The following CELSR2 variants were observed in gnomAD, a reference collection of about 807,000 sequenced individuals.
The protein encoded by CELSR2 is EGF-like protein 2.
A neutral mutation model predicts 251.6 loss-of-function variants in CELSR2; 81 were observed. That is an observed-to-expected ratio of 0.32 (90% CI 0.27 to 0.39). CELSR2 has a LOEUF of 0.39. CELSR2 is among the 10% of genes least tolerant of loss of function. The probability of loss-of-function intolerance (pLI) is 1.00; values close to 1 mark genes in which losing one functional copy is unlikely to be tolerated. For synonymous variants in CELSR2, 1,721 were observed against 1,670.5 expected, an observed-to-expected ratio of 1.03 and a Z score of -0.74; for missense variants, 3,365 against 3,947.7, an observed-to-expected ratio of 0.85 and a Z score of 3.96.
In CELSR2 at chr1:109,273,190, C is replaced by A. The variant is rs781001761; in HGVS notation, c.8363C>A (p.Ala2788Asp). ...PKDGGPGPGK[A>D]PWPGDFGTTA... is the part of the protein sequence containing the mutation. ...GATGGGGGCCCAGGGCCTGGCAAGG[C>A]CCCCTGGCCAGGAGACTTTGGGACC... The change falls in exon 32 of 34, where the codon GCC becomes GAC. Residue 2788 changes from alanine to aspartate, a missense_variant. Transcript: ENST00000271332. 23 of 1,613,154 alleles carry A rather than the reference C, an allele frequency of 1.4e-5. No homozygotes were observed. Among genetic ancestry groups the A allele is most frequent in the Non-Finnish European group, 1.8e-5 (21 of 1,179,664 alleles).
chr1:109,251,762 G>C lies in CELSR2; in HGVS notation c.1683G>C (p.Trp561Cys). ...TCACCATCAACAATGGCACAGGCTG[G>C]ATCTCTGTGGCTGCTGAACTGGACC... ...FPFTINNGTG[W>C]ISVAAELDRE... The change falls in exon 1 of 34, where the codon TGG becomes TGC. Residue 561 changes from tryptophan (W) to cysteine (C), a missense_variant. This residue lies in a region of CELSR2 where 704 missense variants were observed against 784.1 expected (regional missense o/e 0.90). Coordinates refer to ENST00000271332, the MANE Select transcript of CELSR2 (RefSeq NM_001408.3). This position sits in a 1 kb window ranked among gnomAD's most constrained non-coding sequence, Gnocchi z 4.9. 1.2e-6 allele frequency: 2 copies of C among 1,614,144 alleles called. No individual in the cohort carries two copies. The highest frequency in any genetic ancestry group is 1.6e-4 in the Middle Eastern group (1 of 6,062).
chr1:109,267,643 G>A lies in CELSR2; in HGVS notation c.6108+1G>A. 1 of 1,614,104 alleles carries A rather than the reference G, an allele frequency of 6.2e-7. No individual in the cohort carries two copies. Among genetic ancestry groups the A allele is most frequent in the Non-Finnish European group, 8.5e-7 (1 of 1,179,974 alleles). ...CACCTTCTCAGAACTGAAGGGCTTC[G>A]TAAGTGAACCCCCTCATCTCCATCT... On this transcript the variant is annotated splice_donor_variant, in intron 16 of 33. Coordinates refer to ENST00000271332, the MANE Select transcript of CELSR2 (RefSeq NM_001408.3). LOFTEE classifies it high-confidence loss of function.
At position 109,269,856 on chromosome 1, in the gene CELSR2, G is replaced by C. The variant is rs760793292; in HGVS notation, c.7107+36G>C. 1.2e-6 allele frequency: 2 copies of C among 1,613,020 alleles called. No individual in the cohort carries two copies. Among genetic ancestry groups the C allele is most frequent in the Non-Finnish European group, 1.7e-6 (2 of 1,179,636 alleles). ...CAGGGGCAGCTGCAGAGCCGTGGGT[G>C]GGCACCCAGGGCACGGGGCTGGGTG... is the stretch of plus-strand genomic sequence containing the variant. On this transcript the variant is annotated intron_variant, in intron 22 of 33. Coordinates refer to ENST00000271332, the MANE Select transcript of CELSR2 (RefSeq NM_001408.3). The surrounding 1 kb of genome is among the most constrained non-coding windows in gnomAD (Gnocchi z 6.4).
chr1:109,265,332 T>C, intron 13 of CELSR2, 21 bp downstream of exon 13: 1 of 1,581,998 alleles, frequency 6.3e-7, no homozygotes, highest in Non-Finnish European at 8.6e-7. Flanking sequence ...CAAGCAAGCC[T>C]CCACTGTGGC....
In CELSR2 at chr1:109,250,283, C is replaced by T. The variant is rs746140769; in HGVS notation, c.204C>T (p.Tyr68=). The T allele has an allele frequency of 1.2e-6, 2 of 1,613,112 alleles. No individual in the cohort carries two copies. The highest frequency in any genetic ancestry group is 2.2e-5 in the East Asian group (1 of 44,882). Residue 68 remains tyrosine (Y), a synonymous_variant, in exon 1 of 34, where the codon TAC becomes TAT. Coordinates refer to ENST00000271332, the MANE Select transcript of CELSR2 (RefSeq NM_001408.3). The surrounding 1 kb of genome is among the most constrained non-coding windows in gnomAD (Gnocchi z 4.4). ...CCTCAGCGTCGAACCTCTGGCTCTA[C>T]ACCAGCCGCTGCAGGGATGCGGGCA... is the stretch of plus-strand genomic sequence containing the variant. ...CPSSASNLWL[Y]TSRCRDAGTE...
At position 109,263,630 on chromosome 1, in the gene CELSR2, C is replaced by T. The variant is rs1203762435; in HGVS notation, c.4854C>T (p.His1618=). The T allele has an allele frequency of 6.2e-7, 1 of 1,614,024 alleles. No homozygotes were observed. The highest frequency in any genetic ancestry group is 8.5e-7 in the Non-Finnish European group (1 of 1,179,932). ...SCAQEMANPQ[H]FLGSSLVAWH... Reference sequence around the variant, plus strand: ...CCCCAGAAATGGCCAATCCACAGCACTTCCTGGGCAGCAGCCTGGTGGCCT... The same window carrying T: ...CCCCAGAAATGGCCAATCCACAGCATTTCCTGGGCAGCAGCCTGGTGGCCT... The change falls in exon 9 of 34, where the codon CAC becomes CAT. Residue 1618 remains histidine, a synonymous_variant. Transcript: ENST00000271332.
intron 33 of CELSR2, 142 bp from the exon 34 acceptor site, chr1:109,273,880 C>A: frequency 7.9e-7 from 1 of 1,264,314 alleles, no homozygotes; most frequent in Non-Finnish European, 1.2e-6. Flanking sequence ...CGGCGCAGCC[C>A]AGCCTAGGGC....
rs1215848526 is a variant in CELSR2 at position 109,258,644 on chromosome 1, G to A, written c.3523G>A (p.Ala1175Thr). 6.5e-7 allele frequency: 1 copy of A among 1,550,258 alleles called. No individual in the cohort carries two copies. The highest frequency in any genetic ancestry group is 8.7e-7 in the Non-Finnish European group (1 of 1,146,140). The change falls in exon 2 of 34, where the codon GCC (alanine) becomes ACC (threonine). Residue 1175 changes from alanine (A) to threonine (T), a missense_variant. Physicochemically the swap from Ala to Thr is moderately conservative, Grantham distance 58 (BLOSUM62 0). Coordinates refer to ENST00000271332, the MANE Select transcript of CELSR2 (RefSeq NM_001408.3). ...CTTCAACGTACAGCGGGACACCGAC[G>A]CCCCCGGGGGCCACATCCTCAACGT... ...VVFNVQRDTD[A>T]PGGHILNVSL...
Position 109,268,664 on chromosome 1 carries a change from C to T in CELSR2, c.6402C>T (p.Thr2134=), listed in dbSNP as rs199698275. 43 of 1,614,066 alleles carry T rather than the reference C, an allele frequency of 2.7e-5. No individual in the cohort carries two copies. The highest frequency in any genetic ancestry group is 1.7e-4 in the Middle Eastern group (1 of 6,060). ...WELIQQTEGG[T]AWLLQHYEAY... Reference sequence around the variant, plus strand: ...TGATCCAGCAGACAGAGGGTGGCACCGCCTGGCTGCTCCAGCACTATGAGG... The same window carrying T: ...TGATCCAGCAGACAGAGGGTGGCACTGCCTGGCTGCTCCAGCACTATGAGG... Residue 2134 remains threonine, a synonymous_variant, in exon 18 of 34, where the codon ACC becomes ACT. Coordinates refer to ENST00000271332, the MANE Select transcript of CELSR2 (RefSeq NM_001408.3).
rs1392368714 is a variant in CELSR2 at position 109,262,890 on chromosome 1, G to A, written c.4629G>A (p.Val1543=). Residue 1543 remains valine (V), a synonymous_variant, in exon 7 of 34, where the codon GTG becomes GTA. Coordinates refer to ENST00000271332, the MANE Select transcript of CELSR2 (RefSeq NM_001408.3). ...TCCCAGTCCGAATGCGGCAGTTCGT[G>A]GGCTGCATGCGGAACCTGCAGGTGG... The part of the protein sequence containing the change: ...ESFPVRMRQF[V]GCMRNLQVDS... The A allele has an allele frequency of 1.2e-6, 2 of 1,613,832 alleles. No homozygotes were observed. Among genetic ancestry groups the A allele is most frequent in the African/African-American group, 1.3e-5 (1 of 75,056 alleles).
rs768639175 is a variant in CELSR2, at chr1:109,261,282, G to A, written c.4181+18G>A. The A allele has an allele frequency of 6.2e-7, 1 of 1,607,980 alleles. No homozygotes were observed. Among genetic ancestry groups the A allele is most frequent in the African/African-American group, 1.3e-5 (1 of 74,834 alleles). ...GCCCTCTCGTGAGTGGCTGGGCACT[G>A]GGGGTGGGGAGTGGGCCTGGTGGGC... On this transcript the variant is annotated intron_variant, in intron 3 of 33. Coordinates refer to ENST00000271332, the MANE Select transcript of CELSR2 (RefSeq NM_001408.3). This position sits in a 1 kb window ranked among gnomAD's most constrained non-coding sequence, Gnocchi z 4.8.
intron 1 of CELSR2, 78 bp downstream of exon 1, chr1:109,253,467 G>A (rs993318545): frequency 1.6e-5 from 24 of 1,502,968 alleles, no homozygotes; most frequent in Admixed American, 4.2e-5. Flanking sequence ...GGTAGGGTGC[G>A]ATCCAGGAAG....
chr1:109,252,739 A>G lies in CELSR2; in HGVS notation c.2660A>G (p.Tyr887Cys). 6.2e-7 allele frequency: 1 copy of G among 1,614,032 alleles called. No individual in the cohort carries two copies. Among genetic ancestry groups the G allele is most frequent in the Non-Finnish European group, 8.5e-7 (1 of 1,180,036 alleles). The change falls in exon 1 of 34, where the codon TAT becomes TGT. Residue 887 changes from tyrosine (Y) to cysteine (C), a missense_variant. Around this residue, in one of 5 missense-constraint regions of CELSR2, gnomAD observed 505 missense variants for 660.0 expected, o/e 0.77. Coordinates refer to ENST00000271332, the MANE Select transcript of CELSR2 (RefSeq NM_001408.3). This position sits in a 1 kb window ranked among gnomAD's most constrained non-coding sequence, Gnocchi z 4.8. ...CTGGATCGAGAGAACGTGGCCCAGT[A>G]TGTCTTGCGGGCATATGCAGTGGAC... is the stretch of plus-strand genomic sequence containing the variant. ...RRLDRENVAQYVLRAYAVDKG... is the reference protein window; with the variant it reads ...RRLDRENVAQCVLRAYAVDKG...
rs1455944692 is a variant in CELSR2, at chr1:109,263,154, A to G, written c.4721A>G (p.Lys1574Arg). The G allele has an allele frequency of 1.3e-5, 21 of 1,597,834 alleles. No homozygotes were observed. Among genetic ancestry groups the G allele is most frequent in the Non-Finnish European group, 1.7e-5 (20 of 1,166,806 alleles). ...CTCTCCATTCCAGGCTGCCCTGCCA[A>G]GAAGAACGTGTGTGACAGCAACACT... ...NNGTVPGCPA[K>R]KNVCDSNTCH... The change falls in exon 8 of 34, where the codon AAG (lysine) becomes AGG (arginine). Residue 1574 changes from lysine to arginine, a missense_variant. Lys to Arg is a conservative substitution (Grantham distance 26). Transcript: ENST00000271332.
At chr1:109,263,356 CTGCTG>C in intron 8 of CELSR2, 89 bp downstream of exon 8, 1 of 1,496,766 alleles carries the variant, frequency 6.7e-7, no homozygotes, top group Non-Finnish European at 8.9e-7. Flanking sequence ...GGGCAGGGCT[CTGCTG>C]AGCGGGGCTG....
intron 1 of CELSR2, among the ~76,000 whole-genome samples, chr1:109,257,268 G>A (rs1005201418): frequency 2.6e-5 from 4 of 151,164 alleles, no homozygotes; most frequent in South Asian, 2.1e-4. Context: ...TGGGAGGATC[G>A]CTTGAGCCCA....
At chr1:109,268,479 C>A in intron 17 of CELSR2, 102 bp from the exon 18 acceptor site, 1 of 1,416,908 alleles carries the variant, frequency 7.1e-7, no homozygotes, top group Non-Finnish European at 9.4e-7. Context: ...AGGGAGGGGC[C>A]TGGTGGGGAG....
chr1:109,254,256 G>A (rs1322883775), intron 1 of CELSR2, among the ~76,000 whole-genome samples: 5 of 152,136 alleles, frequency 3.3e-5, no homozygotes, highest in Admixed American at 6.5e-5. Flanking sequence ...CAGTGGACTG[G>A]TGAGCTTTGA....
At position 109,267,654 on chromosome 1, in the gene CELSR2, C is replaced by T. The variant is rs749911287; in HGVS notation, c.6108+12C>T. On this transcript the variant is annotated intron_variant, in intron 16 of 33. Coordinates refer to ENST00000271332, the MANE Select transcript of CELSR2 (RefSeq NM_001408.3). ...AACTGAAGGGCTTCGTAAGTGAACC[C>T]CCTCATCTCCATCTTTTCCCTGTCC... 42 of 1,613,712 alleles carry T rather than the reference C, an allele frequency of 2.6e-5. No homozygotes were observed. Among genetic ancestry groups the T allele is most frequent in the Non-Finnish European group, 3.4e-5 (40 of 1,179,820 alleles).
Sources: gnomAD v4.1 joint callset for allele counts (sites outside exome capture counted in the v4.1 genomes callset) on GRCh38, gnomAD v4.1.1 for gene constraint, gnomAD v4.1.1 regional missense constraint, Gnocchi (gnomAD v3.1) non-coding constraint, MANE v1.5 for transcripts, NCBI Gene and HGNC (gene_info 2026-07-23, HGNC 2026-07-21) for gene names.